The following LINGO2 variants were observed in gnomAD, a reference collection of about 807,000 sequenced individuals.
LINGO2 encodes the protein leucine-rich repeat and immunoglobulin-like domain-containing nogo receptor-interacting protein 2.
LINGO2 carries 14 observed loss-of-function variants against 30.6 expected under a neutral mutation model. The ratio of observed to expected loss-of-function variants is 0.46; its 90% CI spans 0.30 to 0.72. The LOEUF (loss-of-function observed/expected upper bound fraction) is 0.72, where lower values mean the gene tolerates loss of function less well. Ranked by LOEUF, LINGO2 falls within the 30% of genes least tolerant of loss-of-function variation. The pLI is 0.07. For missense variants in LINGO2, 729 were observed against 751.7 expected (o/e 0.97, Z 0.35); for synonymous variants, 317 against 288.5 (o/e 1.10, Z -1.00).
chr9:28,855,044 CCA>C, the LINGO2 span, among the ~76,000 whole-genome samples: 1 of 151,646 alleles, frequency 6.6e-6, no homozygotes, highest in Non-Finnish European at 1.5e-5. Flanking sequence ...TGATATAAAC[CCA>C]CCTTTAGGCT....
At chr9:28,470,505 G>T (rs1346061407) in intron 2 of LINGO2, among the ~76,000 whole-genome samples, 3 of 152,176 alleles carry the variant, frequency 2.0e-5, no homozygotes, top group African/African-American at 7.2e-5. Context: ...TGCTGCATGG[G>T]TGGGAGCCCT....
the LINGO2 span, among the ~76,000 whole-genome samples, chr9:28,759,233 T>C: frequency 1.9e-4 from 29 of 152,022 alleles, no homozygotes; most frequent in African/African-American, 6.8e-4. Flanking sequence ...AGATGTTCCT[T>C]GGATGCTGTA....
At chr9:28,154,478 T>G (rs539756622) in intron 4 of LINGO2, among the ~76,000 whole-genome samples, 1 of 152,194 alleles carries the variant, frequency 6.6e-6, no homozygotes, top group South Asian at 2.1e-4. Flanking sequence ...TGAGTAGGTT[T>G]TTATTTATGA....
At chr9:28,832,210 AAAGGAAACCC>A in the LINGO2 span, among the ~76,000 whole-genome samples, 1 of 152,196 alleles carries the variant, frequency 6.6e-6, no homozygotes, top group African/African-American at 2.4e-5. Context: ...CAAGATGTTA[AAAGGAAACCC>A]ATTCTTATTA....
the LINGO2 span, among the ~76,000 whole-genome samples, chr9:28,700,172 C>A: frequency 6.6e-6 from 1 of 151,950 alleles, no homozygotes. Flanking sequence ...GAAGGCCCAG[C>A]TGTAAAATTC....
chr9:28,908,480 C>G, the LINGO2 span, among the ~76,000 whole-genome samples: 2 of 151,800 alleles, frequency 1.3e-5, no homozygotes, highest in Admixed American at 1.3e-4. Context: ...GCTGACTATC[C>G]TCTCTCACTT....
intron 3 of LINGO2, among the ~76,000 whole-genome samples, chr9:28,356,732 G>A (rs1439294075): frequency 6.6e-6 from 1 of 152,074 alleles, no homozygotes; most frequent in Non-Finnish European, 1.5e-5. Flanking sequence ...CCCCATGACA[G>A]GTGGTCACTT....
the LINGO2 span, among the ~76,000 whole-genome samples, chr9:28,788,819 TG>T: frequency 6.6e-6 from 1 of 152,084 alleles, no homozygotes; most frequent in Non-Finnish European, 1.5e-5. Flanking sequence ...TCCCTTGACA[TG>T]GGATTGTGGG....
At chr9:28,330,212 A>G (rs1045202940) in intron 3 of LINGO2, among the ~76,000 whole-genome samples, 6 of 152,216 alleles carry the variant, frequency 3.9e-5, no homozygotes, top group African/African-American at 7.2e-5. Flanking sequence ...AAGAGACCTC[A>G]GAATGAAATC....
the LINGO2 span, among the ~76,000 whole-genome samples, chr9:28,898,614 G>T: frequency 6.6e-6 from 1 of 151,882 alleles, no homozygotes; most frequent in Non-Finnish European, 1.5e-5. Flanking sequence ...ATTAGAAAAC[G>T]CTAAATTTGA....
intron 3 of LINGO2, among the ~76,000 whole-genome samples, chr9:28,355,541 C>A (rs1301547319): frequency 6.6e-6 from 1 of 152,032 alleles, no homozygotes; most frequent in Non-Finnish European, 1.5e-5. Context: ...TCTGAGGTAA[C>A]AACAAAAGCT....
the LINGO2 span, among the ~76,000 whole-genome samples, chr9:29,054,264 C>A: frequency 6.6e-6 from 1 of 152,072 alleles, no homozygotes; most frequent in Non-Finnish European, 1.5e-5. Flanking sequence ...TTTAAAAAGG[C>A]CTCAAATTTC....
the LINGO2 span, among the ~76,000 whole-genome samples, chr9:28,726,644 T>C: frequency 2.2e-4 from 34 of 152,076 alleles, no homozygotes; most frequent in Admixed American, 5.9e-4. Flanking sequence ...CTATAGCAAA[T>C]AAGCAGACAG....
At chr9:29,138,895 C>G in the LINGO2 span, among the ~76,000 whole-genome samples, 1 of 152,096 alleles carries the variant, frequency 6.6e-6, no homozygotes, top group Admixed American at 6.6e-5. Flanking sequence ...GTTATTAATA[C>G]CCTTGAATAA....
the LINGO2 span, among the ~76,000 whole-genome samples, chr9:28,748,668 G>C: frequency 6.6e-6 from 1 of 151,794 alleles, no homozygotes; most frequent in Non-Finnish European, 1.5e-5. Context: ...ATTCCTTAAG[G>C]GTTTGTTGTT....
chr9:28,715,039 T>C, the LINGO2 span, among the ~76,000 whole-genome samples: 2 of 152,174 alleles, frequency 1.3e-5, no homozygotes, highest in African/African-American at 4.8e-5. Context: ...CTTCTTAGAA[T>C]GTGAGTCGTA....
chr9:28,730,146 A>C, the LINGO2 span, among the ~76,000 whole-genome samples: 13 of 152,292 alleles, frequency 8.5e-5, no homozygotes, highest in South Asian at 1.9e-3. Context: ...TTTCACAGGA[A>C]ACATATTAGT....
At chr9:29,137,389 A>G in the LINGO2 span, among the ~76,000 whole-genome samples, 13 of 152,188 alleles carry the variant, frequency 8.5e-5, no homozygotes, top group African/African-American at 2.9e-4. Flanking sequence ...TGGGTAATAA[A>G]ACATCATTTA....
chr9:28,289,068 A>G (rs1587396671), intron 4 of LINGO2, among the ~76,000 whole-genome samples: 1 of 152,306 alleles, frequency 6.6e-6, no homozygotes, highest in Non-Finnish European at 1.5e-5. Flanking sequence ...TTCTAAGCTT[A>G]GGGACAGTAC....
Sources: allele counts gnomAD v4.1 joint callset (sites outside exome capture counted in the v4.1 genomes callset), GRCh38; gene constraint gnomAD v4.1.1; transcripts MANE v1.5; gene names NCBI Gene and HGNC (gene_info 2026-07-23, HGNC 2026-07-21).